Variants in CLEC2L observed in about 807,000 individuals in gnomAD.
CLEC2L encodes C-type lectin domain family 2 member L.
Under a neutral mutation model 23.6 loss-of-function variants are expected in CLEC2L, and 14 were observed. The ratio of observed to expected loss-of-function variants is 0.59; its 90% confidence interval spans 0.39 to 0.93. The LOEUF (loss-of-function observed/expected upper bound fraction) is 0.93, where lower values mean the gene tolerates loss of function less well. CLEC2L is among the 40% of genes least tolerant of loss of function. The pLI is 0.00. For synonymous variants in CLEC2L, 114 were observed against 121.3 expected (o/e 0.94, Z 0.40); for missense variants, 264 against 282.4 (o/e 0.93, Z 0.47).
rs559190572 is a variant in CLEC2L at position 139,544,690 on chromosome 7, C to T, written c.*348C>T. 9.7e-6 allele frequency: 2 copies of T among 205,570 alleles called. No individual in the cohort carries two copies. The highest frequency in any genetic ancestry group is 1.1e-4 in the South Asian group (1 of 9,230). 12.7% of individuals were successfully genotyped at this position (205,570 alleles called of 1,614,324 possible). Reference sequence around the variant, plus strand: ...AGCCACCCCACAGATCTCTCTCCGGCCCCCTAGAAGCCCTCTCCTCACTGC... The same window carrying T: ...AGCCACCCCACAGATCTCTCTCCGGTCCCCTAGAAGCCCTCTCCTCACTGC... On this transcript the variant is annotated 3_prime_UTR_variant, in exon 5 of 5. Transcript: ENST00000422142.
At chr7:139,543,713 G>C (rs1355633102) in intron 4 of CLEC2L, among the ~76,000 whole-genome samples, 1 of 152,198 alleles carries the variant, frequency 6.6e-6, no homozygotes, top group Non-Finnish European at 1.5e-5. Flanking sequence ...AGGGGTAGCT[G>C]ACTTCAGCCA....
At chr7:139,537,392 CAG>C (rs142452514) in intron 2 of CLEC2L, among the ~76,000 whole-genome samples, 14,121 of 152,160 alleles carry the variant, frequency 0.093, 2,200 homozygotes, top group African/African-American at 0.32. Flanking sequence ...AATTTAGACT[CAG>C]GGGCTTATAT....
intron 1 of CLEC2L, among the ~76,000 whole-genome samples, chr7:139,529,061 A>G (rs574335421): frequency 6.6e-6 from 1 of 152,348 alleles, no homozygotes; most frequent in South Asian, 2.1e-4. Flanking sequence ...TGTAACATGC[A>G]GGGCAATGAC....
chr7:139,541,534 T>A (rs1797736232), intron 3 of CLEC2L, among the ~76,000 whole-genome samples: 1 of 152,190 alleles, frequency 6.6e-6, no homozygotes. Flanking sequence ...AAATAGAAGA[T>A]AATCTAAAAA....
At position 139,533,374 on chromosome 7, in the gene CLEC2L, G is replaced by GAGAC. The variant is rs560681835; in HGVS notation, c.191-2896_191-2893dup. Among the ~76,000 whole-genome samples, 4 of 152,298 alleles carry GAGAC rather than the reference G, an allele frequency of 2.6e-5. No homozygotes were observed. The South Asian group carries it at 8.3e-4, about 32-fold the overall frequency. On this transcript the variant is annotated intron_variant, in intron 1 of 4. Transcript: ENST00000422142. The stretch of plus-strand genomic sequence containing the variant: ...TTATTACTACTATTATTAGTTTTTG[G>GAGAC]AGACAGAGTCTCGCTTTGTCGCTCA...
intron 1 of CLEC2L, among the ~76,000 whole-genome samples, chr7:139,529,341 C>A (rs1797547063): frequency 6.6e-6 from 1 of 152,188 alleles, no homozygotes; most frequent in Non-Finnish European, 1.5e-5. Flanking sequence ...GGCTAAGAAA[C>A]TTTACCATCC....
intron 1 of CLEC2L, among the ~76,000 whole-genome samples, chr7:139,526,288 C>T (rs888470370): frequency 1.1e-4 from 17 of 152,080 alleles, no homozygotes; most frequent in African/African-American, 4.1e-4. Flanking sequence ...TGTTCTGGGC[C>T]AGGTGGCCAG....
rs1040719407 is a variant in CLEC2L at position 139,539,309 on chromosome 7, G to C, written c.266-1012G>C. ...TAAATGTGGAAGAAATAAATATAAG[G>C]TTCTGCATTTGGATTTAAGAAGTTA... On this transcript the variant is annotated intron_variant, in intron 2 of 4. Coordinates refer to ENST00000422142, the MANE Select transcript of CLEC2L (RefSeq NM_001080511.4). The surrounding 1 kb of genome is among the most constrained non-coding windows in gnomAD (Gnocchi z 4.1). The C allele has an allele frequency of 6.6e-6, 1 of 152,136 alleles. No homozygotes were observed. The highest frequency in any genetic ancestry group is 6.5e-5 in the Admixed American group (1 of 15,270). 9.4% of individuals were successfully genotyped at this position (152,136 alleles called of 1,614,324 possible).
rs1797779921 is a variant in CLEC2L, at chr7:139,544,418, G to GCGGAGC, written c.*79_*84dup. 4 of 1,109,234 alleles carry GCGGAGC rather than the reference G, an allele frequency of 3.6e-6. No individual in the cohort carries two copies. The highest frequency in any genetic ancestry group is 4.0e-6 in the Non-Finnish European group (3 of 752,972). The allele number at this position is 1,109,234 out of a possible 1,614,324, so 68.7% of individuals were successfully genotyped here. ...GGTGTCTGCTCAAGACCTGCTTCCA[G>GCGGAGC]CGGAGCCGCCTGCCCTCTGCAAGGC... is the stretch of plus-strand genomic sequence containing the variant. On this transcript the variant is annotated 3_prime_UTR_variant, in exon 5 of 5. Transcript: ENST00000422142.
chr7:139,537,063 G>A (rs565529675), intron 2 of CLEC2L, among the ~76,000 whole-genome samples: 2 of 150,200 alleles, frequency 1.3e-5, no homozygotes, highest in Non-Finnish European at 3.0e-5. Flanking sequence ...TAAGTGCTAA[G>A]GTTAAAAAAA....
chr7:139,544,296 G>C lies in CLEC2L; in HGVS notation c.599G>C (p.Cys200Ser). ...VEPTRLVSTE[C>S]LMTRPWVCSK... ...CCCACCAGGCTGGTGTCGACGGAGTGTCTGATGACCCGGCCCTGGGTGTGC... is the reference window on the plus strand; with the variant it reads ...CCCACCAGGCTGGTGTCGACGGAGTCTCTGATGACCCGGCCCTGGGTGTGC... The change falls in exon 5 of 5, where the codon TGT (cysteine) becomes TCT (serine). Residue 200 changes from cysteine (C) to serine (S), a missense_variant. Coordinates refer to ENST00000422142, the MANE Select transcript of CLEC2L (RefSeq NM_001080511.4). 6.2e-7 allele frequency: 1 copy of C among 1,613,516 alleles called. No homozygotes were observed. Among genetic ancestry groups the C allele is most frequent in the South Asian group, 1.1e-5 (1 of 90,928 alleles).
chr7:139,541,981 C>T (rs1437006116), intron 3 of CLEC2L, 40 bp from the exon 4 acceptor site: 1 of 1,388,174 alleles, frequency 7.2e-7, no homozygotes. Context: ...AGTCAGGAGA[C>T]CGCATCTGAC....
At position 139,540,328 on chromosome 7, in the gene CLEC2L, G is replaced by A. The variant is rs778290481; in HGVS notation, c.273G>A (p.Lys91=). The change falls in exon 3 of 5, where the codon AAG becomes AAA. Residue 91 remains lysine, a synonymous_variant. Transcript: ENST00000422142. The surrounding 1 kb of genome is among the most constrained non-coding windows in gnomAD (Gnocchi z 5.8). ...CTGGTCTCTTCCCTGCAGCTTCCAA[G>A]GGCTGCATCAAGTGCGAAGCGCCCT... ...ILVVMSILAS[K]GCIKCEAPCP... is the part of the protein sequence containing the mutation. The A allele has an allele frequency of 5.0e-6, 8 of 1,609,126 alleles. No individual in the cohort carries two copies. The Admixed American group carries it at 5.0e-5, about 10-fold the overall frequency.
chr7:139,533,039 A>G (rs1309526764), intron 1 of CLEC2L, among the ~76,000 whole-genome samples: 2 of 152,190 alleles, frequency 1.3e-5, no homozygotes, highest in African/African-American at 2.4e-5. Context: ...AAGAAGTTCT[A>G]TGGAAATGAT....
intron 2 of CLEC2L, among the ~76,000 whole-genome samples, chr7:139,538,064 C>A (rs1361212556): frequency 1.3e-5 from 2 of 152,164 alleles, no homozygotes; most frequent in African/African-American, 4.8e-5. Flanking sequence ...GAAAAGTCCA[C>A]CAATATTATC....
chr7:139,541,727 C>G (rs988843009), intron 3 of CLEC2L, among the ~76,000 whole-genome samples: 1 of 152,126 alleles, frequency 6.6e-6, no homozygotes, highest in Non-Finnish European at 1.5e-5. Context: ...GAGGACAAGC[C>G]CTGTACAGCC....
At chr7:139,535,095 C>T (rs1426987925) in intron 1 of CLEC2L, among the ~76,000 whole-genome samples, 1 of 152,128 alleles carries the variant, frequency 6.6e-6, no homozygotes, top group African/African-American at 2.4e-5. Flanking sequence ...TTCATAGCTG[C>T]GTTATTCACA....
At chr7:139,532,196 ATTC>A (rs1797591482) in intron 1 of CLEC2L, among the ~76,000 whole-genome samples, 1 of 152,228 alleles carries the variant, frequency 6.6e-6, no homozygotes, top group African/African-American at 2.4e-5. Context: ...AAGGAGAATT[ATTC>A]TTGATCTATA....
intron 1 of CLEC2L, among the ~76,000 whole-genome samples, chr7:139,526,701 C>T (rs1585196180): frequency 6.6e-6 from 1 of 152,144 alleles, no homozygotes; most frequent in Non-Finnish European, 1.5e-5. Flanking sequence ...CCTTATCTGC[C>T]AAGTCAGGTC....
Sources: allele counts gnomAD v4.1 joint callset (sites outside exome capture counted in the v4.1 genomes callset), GRCh38; gene constraint gnomAD v4.1.1; non-coding constraint Gnocchi (gnomAD v3.1); transcripts MANE v1.5; gene names NCBI Gene and HGNC (gene_info 2026-07-23, HGNC 2026-07-21).